The following DNAL1 variants were observed in gnomAD, a reference collection of about 807,000 sequenced individuals.
DNAL1 encodes the protein chromosome 14 open reading frame 168.
Under a neutral mutation model 29.4 loss-of-function variants are expected in DNAL1, and 17 were observed. That is an observed-to-expected ratio of 0.58 (90% confidence interval 0.40 to 0.87). The LOEUF is 0.87. DNAL1 is among the 40% of genes least tolerant of loss of function. The pLI, the probability that DNAL1 is intolerant of heterozygous loss-of-function variation, is 0.00. For missense variants in DNAL1, 188 were observed against 214.1 expected, an observed-to-expected ratio of 0.88 and a Z score of 0.76; for synonymous variants, 78 against 76.3, an observed-to-expected ratio of 1.02 and a Z score of -0.12.
chr14:73,648,417 T>TATATATATATATATATA (rs71112789), intron 1 of DNAL1, among the ~76,000 whole-genome samples: 16 of 132,780 alleles, frequency 1.2e-4, no homozygotes, highest in Non-Finnish European at 1.6e-4. Flanking sequence ...TATATATATA[T>TATATATATATATATATA]TTGTTGTTTG....
intron 4 of DNAL1, among the ~76,000 whole-genome samples, chr14:73,669,984 T>TACACAC (rs35574600): frequency 8.0e-4 from 121 of 150,946 alleles, no homozygotes; most frequent in African/African-American, 2.7e-3. Context: ...CACACACACA[T>TACACAC]ACACACACAC....
chr14:73,650,761 C>T (rs1481171876), intron 1 of DNAL1, among the ~76,000 whole-genome samples: 2 of 152,088 alleles, frequency 1.3e-5, no homozygotes, highest in Admixed American at 6.5e-5. Flanking sequence ...CAGGTGTGAG[C>T]CACTGTGCCT....
intron 7 of DNAL1, among the ~76,000 whole-genome samples, chr14:73,695,624 G>C (rs551919996): frequency 6.6e-6 from 1 of 151,976 alleles, no homozygotes; most frequent in African/African-American, 2.4e-5. Flanking sequence ...CTGCCTCCCG[G>C]GTTCAAGCGA....
chr14:73,666,695 G>T (rs573238520), intron 4 of DNAL1, among the ~76,000 whole-genome samples: 1 of 152,138 alleles, frequency 6.6e-6, no homozygotes, highest in East Asian at 1.9e-4. Context: ...TTCAAAAAGG[G>T]GTTAGAGATT....
rs62004929 is a variant in DNAL1 at position 73,681,539 on chromosome 14, G to T, written c.265-5720G>T. Among the ~76,000 whole-genome samples the T allele has an allele frequency of 4.3e-3, 625 of 144,210 alleles. 7 individuals carry two copies. The highest frequency in any genetic ancestry group is 0.015 in the African/African-American group (579 of 38,336). 94.6% of individuals were successfully genotyped at this position (144,210 alleles called of 152,430 possible). On this transcript the variant is annotated intron_variant, in intron 5 of 7. Coordinates refer to ENST00000553645, the MANE Select transcript of DNAL1 (RefSeq NM_031427.4). ...TGCCAGCACTTGAGGAGGCTGAGGC[G>T]GTGGGATCACTTAAGGCCAGTAGTT...
intron 5 of DNAL1, among the ~76,000 whole-genome samples, chr14:73,686,198 T>A (rs2140057392): frequency 6.6e-6 from 1 of 152,260 alleles, no homozygotes; most frequent in African/African-American, 2.4e-5. Context: ...AGTAAGAAAC[T>A]GAGGGGAGAA....
chr14:73,698,523 T>C lies in DNAL1; in HGVS notation c.*2581T>C, dbSNP rs1892353874. On this transcript the variant is annotated 3_prime_UTR_variant, in exon 8 of 8. Coordinates refer to ENST00000553645, the MANE Select transcript of DNAL1 (RefSeq NM_031427.4). ...TCATTTAAATTTTTTCTATTCTGTTTTTTTTTGTTTGTTTGTTTGTTTGTT... is the reference window on the plus strand; with the variant it reads ...TCATTTAAATTTTTTCTATTCTGTTCTTTTTTGTTTGTTTGTTTGTTTGTT... The C allele has an allele frequency of 6.6e-6, 1 of 152,082 alleles. No individual in the cohort carries two copies. The highest frequency in any genetic ancestry group is 2.1e-4 in the South Asian group (1 of 4,834). The allele number at this position is 152,082 out of a possible 1,614,324, so 9.4% of individuals were successfully genotyped here.
At chr14:73,689,929 G>A (rs556423409) in intron 7 of DNAL1, among the ~76,000 whole-genome samples, 2 of 151,742 alleles carry the variant, frequency 1.3e-5, no homozygotes, top group Non-Finnish European at 2.9e-5. Flanking sequence ...CCAGCTACTC[G>A]GGAGGCTGAG....
intron 3 of DNAL1, 97 bp from the exon 4 acceptor site, chr14:73,661,890 C>T (rs1446901877): frequency 1.4e-6 from 1 of 709,962 alleles, no homozygotes; most frequent in African/African-American, 1.8e-5. Context: ...GAAAATATTA[C>T]TTAAATATTA....
chr14:73,683,514 T>A (rs1891940772), intron 5 of DNAL1, among the ~76,000 whole-genome samples: 1 of 152,076 alleles, frequency 6.6e-6, no homozygotes. Flanking sequence ...TATATTATTG[T>A]TAACTATAGT....
intron 4 of DNAL1, among the ~76,000 whole-genome samples, chr14:73,664,882 T>A (rs1206057661): frequency 6.6e-6 from 1 of 151,654 alleles, no homozygotes; most frequent in East Asian, 1.9e-4. Flanking sequence ...AAAAAAAAAT[T>A]ACGAATGCCA....
At chr14:73,681,086 A>G (rs1036282508) in intron 5 of DNAL1, among the ~76,000 whole-genome samples, 22 of 144,842 alleles carry the variant, frequency 1.5e-4, no homozygotes, top group Non-Finnish European at 2.4e-4. Flanking sequence ...ACACAACTGT[A>G]GATTTTTTGT....
intron 5 of DNAL1, among the ~76,000 whole-genome samples, chr14:73,681,129 G>GT (rs889773703): frequency 1.3e-5 from 2 of 149,118 alleles, no homozygotes; most frequent in Non-Finnish European, 3.0e-5. Flanking sequence ...TGGGTTTGTT[G>GT]TTTTTTTGCT....
intron 5 of DNAL1, among the ~76,000 whole-genome samples, chr14:73,671,850 A>G (rs964619458): frequency 6.6e-6 from 1 of 152,090 alleles, no homozygotes; most frequent in Non-Finnish European, 1.5e-5. Context: ...TCTTATTTCT[A>G]TATTTATTGG....
At chr14:73,661,571 C>G (rs183891626) in intron 3 of DNAL1, among the ~76,000 whole-genome samples, 1 of 151,982 alleles carries the variant, frequency 6.6e-6, no homozygotes, top group Non-Finnish European at 1.5e-5. Context: ...ATGGTGAAAC[C>G]CTGTCTCCAC....
intron 1 of DNAL1, among the ~76,000 whole-genome samples, chr14:73,650,108 T>A (rs114693359): frequency 0.017 from 2,525 of 152,174 alleles, 66 homozygotes; most frequent in African/African-American, 0.057. Context: ...CTCAGCCTCC[T>A]GAGTACCTAG....
chr14:73,678,186 A>G (rs938531436), intron 5 of DNAL1, among the ~76,000 whole-genome samples: 2 of 151,974 alleles, frequency 1.3e-5, no homozygotes, highest in Admixed American at 1.3e-4. Flanking sequence ...GGCATGAGCC[A>G]CTGGGCCCAG....
At chr14:73,661,234 G>T (rs1274295968) in intron 3 of DNAL1, among the ~76,000 whole-genome samples, 2 of 152,050 alleles carry the variant, frequency 1.3e-5, no homozygotes, top group Non-Finnish European at 1.5e-5. Flanking sequence ...TCCCAAGTCG[G>T]TATCTGTAGC....
chr14:73,682,757 A>G (rs879845776), intron 5 of DNAL1, among the ~76,000 whole-genome samples: 3 of 151,594 alleles, frequency 2.0e-5, no homozygotes, highest in Non-Finnish European at 2.9e-5. Flanking sequence ...ATCTTGTCCC[A>G]CTGGAAAGTC....
Sources: gnomAD v4.1 joint callset for allele counts (sites outside exome capture counted in the v4.1 genomes callset) on GRCh38, gnomAD v4.1.1 for gene constraint, MANE v1.5 for transcripts, NCBI Gene and HGNC (gene_info 2026-07-23, HGNC 2026-07-21) for gene names.